The following GUSB variants were observed in gnomAD, a reference collection of about 807,000 sequenced individuals.
GUSB encodes the protein beta-glucuronidase.
Under a neutral mutation model 74.6 loss-of-function variants are expected in GUSB, and 51 were observed. That is an observed-to-expected ratio of 0.68 (90% CI 0.55 to 0.86). The LOEUF (loss-of-function observed/expected upper bound fraction) is 0.86, where lower values mean the gene tolerates loss of function less well. Among genes scored for constraint, GUSB ranks in the 40% least tolerant of loss-of-function variants. The probability of loss-of-function intolerance (pLI) is 0.00; values close to 1 mark genes in which losing one functional copy is unlikely to be tolerated. For missense variants in GUSB, 736 were observed against 853.7 expected, an observed-to-expected ratio of 0.86 and a Z score of 1.72; for synonymous variants, 360 against 348.3, an observed-to-expected ratio of 1.03 and a Z score of -0.37.
intron 10 of GUSB, among the ~76,000 whole-genome samples, chr7:65,965,756 C>T (rs544324767): frequency 1.3e-5 from 2 of 152,286 alleles, no homozygotes; most frequent in East Asian, 1.9e-4. Context: ...AACTCCTGGG[C>T]TCAAGAGATC....
intron 10 of GUSB, among the ~76,000 whole-genome samples, chr7:65,965,527 GTTTGT>G (rs1790776836): frequency 6.6e-6 from 1 of 152,092 alleles, no homozygotes; most frequent in Non-Finnish European, 1.5e-5. Flanking sequence ...ATCATTGCAA[GTTTGT>G]TTTTTTTTAT....
intron 11 of GUSB, among the ~76,000 whole-genome samples, chr7:65,963,783 C>T (rs544037785): frequency 2.6e-5 from 4 of 152,118 alleles, no homozygotes; most frequent in East Asian, 1.9e-4. Context: ...TGGCCTCAAG[C>T]GATCCTCCCA....
In GUSB at chr7:65,979,676, A is replaced by G. The variant is rs576100461; in HGVS notation, c.581+51T>C. On this transcript the variant is annotated intron_variant, in intron 3 of 11. Transcript: ENST00000304895. ...ACCCAGTCCCTACCAGGAAGACCAC[A>G]GGGTGGGGCGGGAAGGTGGGTGTGT... is the stretch of plus-strand genomic sequence containing the variant. 22 of 1,593,028 alleles carry G rather than the reference A, an allele frequency of 1.4e-5. No individual in the cohort carries two copies. In the South Asian group the frequency reaches 2.3e-4, roughly 17 times the overall value.
At chr7:65,968,645 G>C (rs974380106) in intron 9 of GUSB, among the ~76,000 whole-genome samples, 3 of 152,180 alleles carry the variant, frequency 2.0e-5, no homozygotes, top group Non-Finnish European at 2.9e-5. Context: ...GAATGTTAGT[G>C]GTGCGATCTC....
chr7:65,981,973 C>T lies in GUSB; in HGVS notation c.210+1G>A, dbSNP rs779444413. On this transcript the variant is annotated splice_donor_variant, in intron 1 of 11. Coordinates refer to ENST00000304895, the MANE Select transcript of GUSB (RefSeq NM_000181.4). LOFTEE classifies it high-confidence loss of function. ...CTCCCGGCCCTGCCCCGAGATCGCA[C>T]CTCCCACAGCGGCCGCCGGTACCAC... The T allele has an allele frequency of 1.2e-6, 2 of 1,605,750 alleles. No homozygotes were observed. The highest frequency in any genetic ancestry group is 3.3e-5 in the Admixed American group (2 of 59,816).
intron 2 of GUSB, 39 bp downstream of exon 2, chr7:65,980,185 G>GAGCCCC: frequency 6.9e-6 from 5 of 725,272 alleles, no homozygotes; most frequent in African/African-American, 1.9e-5. Flanking sequence ...CAGCAGCCGT[G>GAGCCCC]CCCCCCCACC....
intron 1 of GUSB, 101 bp from the exon 2 acceptor site, chr7:65,980,510 C>T (rs944214814): frequency 8.5e-6 from 9 of 1,052,710 alleles, no homozygotes; most frequent in Non-Finnish European, 1.3e-5. Context: ...AGCCCTGACA[C>T]ATAGCGGGGA....
At position 65,979,855 on chromosome 7, in the gene GUSB, G is replaced by T; in HGVS notation, c.453C>A (p.Ala151=). 2.5e-6 allele frequency: 4 copies of T among 1,613,252 alleles called. No individual in the cohort carries two copies. The highest frequency in any genetic ancestry group is 2.5e-6 in the Non-Finnish European group (3 of 1,179,842). The change falls in exon 3 of 12, where the codon GCC becomes GCA. Residue 151 remains alanine (A), a synonymous_variant. Transcript: ENST00000304895. ...EHEGGYLPFE[A]DISNLVQVGP... is the part of the protein sequence containing the mutation. ...CCACCTGGACCAGGTTGCTGATGTC[G>T]GCCTCGAAGGGGAGGTAGCCCCCCT...
intron 11 of GUSB, among the ~76,000 whole-genome samples, chr7:65,962,553 T>C (rs1790565793): frequency 6.6e-6 from 1 of 152,156 alleles, no homozygotes; most frequent in African/African-American, 2.4e-5. Context: ...CCCAACGTGA[T>C]GCAGCTCATT....
rs570117446 is a variant in GUSB at position 65,980,472 on chromosome 7, G to A, written c.211-63C>T. The A allele has an allele frequency of 1.2e-4, 178 of 1,442,802 alleles. No individual in the cohort carries two copies. In the African/African-American group the frequency reaches 2.0e-3, roughly 16 times the overall value. The allele number at this position is 1,442,802 out of a possible 1,614,324, so 89.4% of individuals were successfully genotyped here. A position where few individuals can be genotyped will look rare whatever the true frequency, so the allele number is the denominator to read the frequency against. ...CAAAAGGGTCCAGGACCAGTGTGCT[G>A]CACGGCTGTGCCCCCAGGCCTAGCA... On this transcript the variant is annotated intron_variant, in intron 1 of 11. Transcript: ENST00000304895.
rs1333708688 is a variant in GUSB at position 65,976,748 on chromosome 7, A to T, written c.725-546T>A. On this transcript the variant is annotated intron_variant, in intron 4 of 11. Transcript: ENST00000304895. ...GGAGTTCAAGACCAGCCTGGGTAAC[A>T]TAGGGAAACCACTTCTTCCCTAAAA... 3.3e-5 allele frequency among the ~76,000 whole-genome samples: 5 copies of T among 151,974 alleles called. No individual in the cohort carries two copies. The East Asian group carries it at 9.9e-4, about 30-fold the overall frequency.
rs1467220308 is a variant in GUSB at position 65,980,294 on chromosome 7, T to C, written c.326A>G (p.Glu109Gly). The change falls in exon 2 of 12, where the codon GAG becomes GGG. Residue 109 changes from glutamate (E) to glycine (G), a missense_variant. Glu to Gly is a moderately conservative substitution (Grantham distance 98, BLOSUM62 -2). This residue lies in a region of GUSB where 368 missense variants were observed against 363.8 expected (regional missense o/e 1.01). Coordinates refer to ENST00000304895, the MANE Select transcript of GUSB (RefSeq NM_000181.4). ...VWYEREVILP[E>G]RWTQDLRTRV... ...TGTGCGCAGGTCCTGGGTCCATCGC[T>C]CCGGCAGGATCACCTCCCGTTCGTA... 4 of 1,611,090 alleles carry C rather than the reference T, an allele frequency of 2.5e-6. No homozygotes were observed. Among genetic ancestry groups the C allele is most frequent in the Non-Finnish European group, 2.5e-6 (3 of 1,178,826 alleles).
At chr7:65,981,232 CTTTT>C (rs71051326) in intron 1 of GUSB, among the ~76,000 whole-genome samples, 1 of 100,856 alleles carries the variant, frequency 9.9e-6, no homozygotes. Flanking sequence ...GTTTTTTTGC[CTTTT>C]TTTTTTTTTT....
In GUSB at chr7:65,967,750, G is replaced by A. The variant is rs1283774245; in HGVS notation, c.1634C>T (p.Thr545Met). 3.7e-6 allele frequency: 6 copies of A among 1,613,456 alleles called. No homozygotes were observed. Among genetic ancestry groups the A allele is most frequent in the Admixed American group, 1.7e-5 (1 of 59,998 alleles). Reference protein sequence around the residue: ...PIIQSEYGAETIAGFHQDPPL... With the variant: ...PIIQSEYGAEMIAGFHQDPPL... ...GCTTACCTGGTGAAACCCTGCAATC[G>A]TTTCTGCTCCATACTCGCTCTGAAT... The change falls in exon 10 of 12, where the codon ACG becomes ATG. Residue 545 changes from threonine to methionine, a missense_variant. Physicochemically the swap from Thr to Met is moderately conservative, Grantham distance 81. Around this residue, in one of 2 missense-constraint regions of GUSB, gnomAD observed 368 missense variants for 489.9 expected, o/e 0.75. Transcript: ENST00000304895.
rs200262205 is a variant in GUSB at position 65,981,538 on chromosome 7, A to AT, written c.210+435dup. Among the ~76,000 whole-genome samples, 53 of 145,978 alleles carry AT rather than the reference A, an allele frequency of 3.6e-4. 1 individual carries two copies. Among genetic ancestry groups the AT allele is most frequent in the East Asian group, 6.0e-4 (3 of 4,976 alleles). On this transcript the variant is annotated intron_variant, in intron 1 of 11. Coordinates refer to ENST00000304895, the MANE Select transcript of GUSB (RefSeq NM_000181.4). ...AGGTGTGAGCCACCGAGCCCAGATA[A>AT]TTTTTTTTTTTTCAATTAGCCAGGC... is the stretch of plus-strand genomic sequence containing the variant.
intron 9 of GUSB, among the ~76,000 whole-genome samples, chr7:65,968,608 CAG>C (rs1425278155): frequency 2.0e-5 from 3 of 152,196 alleles, no homozygotes; most frequent in Non-Finnish European, 4.4e-5. Context: ...GTTTTGGAGA[CAG>C]AGTCTCGCTC....
At chr7:65,975,618 C>T (rs1226544660) in intron 5 of GUSB, 4 of 210,134 alleles carry the variant, frequency 1.9e-5, no homozygotes, top group Non-Finnish European at 3.9e-5. Flanking sequence ...CTCTTGGCCT[C>T]AAGTGATCCA....
intron 6 of GUSB, 65 bp from the exon 7 acceptor site, chr7:65,974,769 G>T: frequency 6.3e-7 from 1 of 1,587,526 alleles, no homozygotes; most frequent in South Asian, 1.1e-5. Context: ...TGAGAGCCAG[G>T]ACCCTGGAGA....
intron 10 of GUSB, 35 bp downstream of exon 10, chr7:65,967,696 G>A (rs1370710589): frequency 6.3e-7 from 1 of 1,576,178 alleles, no homozygotes; most frequent in Admixed American, 1.7e-5. Context: ...TCTGCCCTGA[G>A]AGAACACACA....
Sources: allele counts gnomAD v4.1 joint callset (sites outside exome capture counted in the v4.1 genomes callset), GRCh38; gene constraint gnomAD v4.1.1; regional missense constraint gnomAD v4.1.1; transcripts MANE v1.5; gene names NCBI Gene and HGNC (gene_info 2026-07-23, HGNC 2026-07-21).